The following PRKAR1A variants were observed in gnomAD, a reference collection of about 807,000 sequenced individuals.
PRKAR1A encodes the protein protein kinase cAMP-dependent type I regulatory subunit alpha.
In PRKAR1A, 3 loss-of-function variants were observed where a neutral mutation model predicts 52.0. The ratio of observed to expected loss-of-function variants is 0.06; its 90% confidence interval spans 0.03 to 0.15. The LOEUF (loss-of-function observed/expected upper bound fraction) is 0.15. Ranked by LOEUF, PRKAR1A falls within the 10% of genes least tolerant of loss-of-function variation. The pLI, the probability that PRKAR1A is intolerant of heterozygous loss-of-function variation, is 1.00. For missense variants in PRKAR1A, 240 were observed against 477.4 expected (o/e 0.50, Z 4.63); for synonymous variants, 188 against 168.4 (o/e 1.12, Z -0.90).
the PRKAR1A span, chr17:68,426,240 G>A: frequency 1.8e-6 from 2 of 1,131,484 alleles, no homozygotes; most frequent in Non-Finnish European, 2.6e-6. Context: ...TGACCTGGCG[G>A]GTGGGGAGCG....
the PRKAR1A span, among the ~76,000 whole-genome samples, chr17:68,455,427 A>T: frequency 6.6e-6 from 1 of 151,706 alleles, no homozygotes; most frequent in Non-Finnish European, 1.5e-5. Context: ...GTATGAGCGT[A>T]GGGGACTGGT....
Position 68,531,541 on chromosome 17 carries a change from T to C in PRKAR1A, c.*1092T>C. On this transcript the variant is annotated 3_prime_UTR_variant, in exon 11 of 11. Coordinates refer to ENST00000589228, the MANE Select transcript of PRKAR1A (RefSeq NM_002734.5). ...CTGGGGCATGAGATTTTGGAAGAAG[T>C]TTTTTACTTTGGTTTAGTCTTTTTT... 9.4e-7 allele frequency: 1 copy of C among 1,066,320 alleles called. No homozygotes were observed. Among genetic ancestry groups the C allele is most frequent in the Non-Finnish European group, 1.1e-6 (1 of 879,626 alleles). 66.1% of individuals were successfully genotyped at this position (1,066,320 alleles called of 1,614,324 possible). A position where few individuals can be genotyped will look rare whatever the true frequency, so the allele number is the denominator to read the frequency against.
the PRKAR1A span, among the ~76,000 whole-genome samples, chr17:68,433,777 T>G: frequency 3.1e-5 from 2 of 63,656 alleles, no homozygotes; most frequent in African/African-American, 4.9e-5. Context: ...TTTTTTTTTT[T>G]TTTTTTTTTT....
downstream of PRKAR1A, chr17:68,537,463 G>C: frequency 6.2e-7 from 1 of 1,614,004 alleles, no homozygotes; most frequent in Non-Finnish European, 8.5e-7. This position sits in a 1 kb window ranked among gnomAD's most constrained non-coding sequence, Gnocchi z 4.2. Context: ...TCTGAAACTG[G>C]ACTCTGCCAG....
At chr17:68,434,805 A>C in the PRKAR1A span, among the ~76,000 whole-genome samples, 1 of 152,236 alleles carries the variant, frequency 6.6e-6, no homozygotes, top group Admixed American at 6.5e-5. Context: ...GGAAAATGTT[A>C]TAAACACCCT....
chr17:68,500,951 C>T, the PRKAR1A span, among the ~76,000 whole-genome samples: 5 of 152,214 alleles, frequency 3.3e-5, no homozygotes, highest in Non-Finnish European at 2.9e-5. Flanking sequence ...ACGCAGTTTT[C>T]ACATTCTGTA....
the PRKAR1A span, among the ~76,000 whole-genome samples, chr17:68,484,459 T>TC: frequency 0.29 from 32,328 of 112,680 alleles, 3,625 homozygotes; most frequent in Middle Eastern, 0.32. Context: ...TCGTGGTATC[T>TC]TTTTTTTTTT....
the PRKAR1A span, chr17:68,426,305 G>C: frequency 4.1e-6 from 3 of 733,310 alleles, no homozygotes; most frequent in South Asian, 4.9e-5. Context: ...TCCCCCTGGA[G>C]GTACTGTGCC....
At position 68,533,243 on chromosome 17, in the gene PRKAR1A, G is replaced by C. The variant is rs1251342038; in HGVS notation, c.*2794G>C. ...GATTTCTGAGGAGTGAGATGATTAA[G>C]TTGTATTCATTAGTGTATTGGTATT... On this transcript the variant is annotated 3_prime_UTR_variant, in exon 11 of 11. Coordinates refer to ENST00000589228, the MANE Select transcript of PRKAR1A (RefSeq NM_002734.5). 1 of 1,061,578 alleles carries C rather than the reference G, an allele frequency of 9.4e-7. No homozygotes were observed. Among genetic ancestry groups the C allele is most frequent in the African/African-American group, 1.6e-5 (1 of 60,968 alleles). The allele number at this position is 1,061,578 out of a possible 1,614,324, so 65.8% of individuals were successfully genotyped here.
At chr17:68,541,068 T>G in intron 11 of PRKAR1A, 2 of 1,496,576 alleles carry the variant, frequency 1.3e-6, no homozygotes, top group Non-Finnish European at 1.8e-6. Flanking sequence ...GATCCTGCCC[T>G]GGGCTGGTGG....
At chr17:68,539,337 A>C in intron 11 of PRKAR1A, 2 of 1,614,046 alleles carry the variant, frequency 1.2e-6, no homozygotes, top group Non-Finnish European at 8.5e-7. Context: ...GAAAACTTAC[A>C]TGCAGCACTG....
chr17:68,476,352 C>G, the PRKAR1A span, among the ~76,000 whole-genome samples: 2 of 152,114 alleles, frequency 1.3e-5, no homozygotes, highest in African/African-American at 4.8e-5. Flanking sequence ...GGTTATCTAG[C>G]CTGTCATGTT....
At chr17:68,495,255 A>G in the PRKAR1A span, among the ~76,000 whole-genome samples, 1 of 151,852 alleles carries the variant, frequency 6.6e-6, no homozygotes, top group Non-Finnish European at 1.5e-5. Flanking sequence ...CTGGTTTCAA[A>G]CTCCTGGCCT....
chr17:68,474,004 G>A, the PRKAR1A span, among the ~76,000 whole-genome samples: 1 of 150,618 alleles, frequency 6.6e-6, no homozygotes, highest in Admixed American at 6.6e-5. Context: ...GCATGTATTC[G>A]TTTTTTGATT....
chr17:68,492,061 C>T, the PRKAR1A span, among the ~76,000 whole-genome samples: 47 of 152,334 alleles, frequency 3.1e-4, no homozygotes, highest in Middle Eastern at 3.4e-3. Context: ...CGCAAGGAAG[C>T]CTGTGTCTTT....
At chr17:68,458,910 A>G in the PRKAR1A span, among the ~76,000 whole-genome samples, 1 of 152,214 alleles carries the variant, frequency 6.6e-6, no homozygotes, top group Non-Finnish European at 1.5e-5. Context: ...TTTAATACCC[A>G]GTTTATGACA....
At chr17:68,465,635 T>TG in the PRKAR1A span, among the ~76,000 whole-genome samples, 1 of 134,820 alleles carries the variant, frequency 7.4e-6, no homozygotes. Flanking sequence ...ATTTTTTTTT[T>TG]TTTTTTTTTT....
the PRKAR1A span, among the ~76,000 whole-genome samples, chr17:68,438,252 G>A: frequency 1.3e-5 from 2 of 152,036 alleles, no homozygotes; most frequent in African/African-American, 4.8e-5. Flanking sequence ...TGGCAGCCCT[G>A]CCACCCCTTT....
chr17:68,486,527 T>C, the PRKAR1A span, among the ~76,000 whole-genome samples: 191 of 115,180 alleles, frequency 1.7e-3, no homozygotes, highest in Non-Finnish European at 2.0e-3. Context: ...CTTTCTTTCT[T>C]TCTTTCTTTC....
Sources: allele counts gnomAD v4.1 joint callset (sites outside exome capture counted in the v4.1 genomes callset), GRCh38; gene constraint gnomAD v4.1.1; non-coding constraint Gnocchi (gnomAD v3.1); transcripts MANE v1.5; gene names NCBI Gene and HGNC (gene_info 2026-07-23, HGNC 2026-07-21).